CSMD1: variants seen among roughly 807,000 people sequenced by gnomAD.
CSMD1 encodes CUB and sushi domain-containing protein 1.
In CSMD1, 213 loss-of-function variants were observed where a neutral mutation model predicts 417.5. The observed-to-expected ratio is 0.51, with a 90% CI of 0.46 to 0.57. The LOEUF (loss-of-function observed/expected upper bound fraction) is 0.57, where lower values mean the gene tolerates loss of function less well. Ranked by LOEUF, CSMD1 falls within the 20% of genes least tolerant of loss-of-function variation. The pLI, the probability that CSMD1 is intolerant of heterozygous loss-of-function variation, is 0.00. For missense variants in CSMD1, 6,923 were observed against 4,529.7 expected (o/e 1.53, Z -15.17); for synonymous variants, 2,862 against 1,736.8 (o/e 1.65, Z -16.11).
chr8:4,340,497 C>G (rs914769760), intron 3 of CSMD1, among the ~76,000 whole-genome samples: 1 of 152,044 alleles, frequency 6.6e-6, no homozygotes, highest in African/African-American at 2.4e-5. Flanking sequence ...ATGGTCGAGT[C>G]CCCAATGTCA....
intron 3 of CSMD1, among the ~76,000 whole-genome samples, chr8:4,390,617 C>T (rs1227460047): frequency 6.6e-6 from 1 of 151,940 alleles, no homozygotes; most frequent in Non-Finnish European, 1.5e-5. Context: ...GGACTCACGC[C>T]ATTCTCCTGC....
intron 2 of CSMD1, among the ~76,000 whole-genome samples, chr8:4,573,593 T>A (rs6998087): frequency 0.017 from 2,553 of 152,146 alleles, 70 homozygotes; most frequent in African/African-American, 0.058. Context: ...TCAGGAGGTA[T>A]GGGGGTCAGG....
chr8:4,872,198 G>A (rs1025340456), intron 1 of CSMD1, among the ~76,000 whole-genome samples: 2 of 152,102 alleles, frequency 1.3e-5, no homozygotes, highest in Non-Finnish European at 2.9e-5. Flanking sequence ...TGTGACTCAA[G>A]TAAGGCATAG....
At chr8:3,874,542 C>T (rs765270395) in intron 5 of CSMD1, among the ~76,000 whole-genome samples, 8 of 152,304 alleles carry the variant, frequency 5.3e-5, no homozygotes, top group Non-Finnish European at 8.8e-5. Flanking sequence ...GACATACAAG[C>T]AGCATCTTAG....
At chr8:4,654,316 G>T (rs375499561) in intron 1 of CSMD1, among the ~76,000 whole-genome samples, 1 of 152,186 alleles carries the variant, frequency 6.6e-6, no homozygotes, top group African/African-American at 2.4e-5. Flanking sequence ...ATGGTTCAGG[G>T]ATGTATTGCT....
intron 2 of CSMD1, among the ~76,000 whole-genome samples, chr8:4,580,888 TC>T (rs1254918000): frequency 6.6e-6 from 1 of 152,350 alleles, no homozygotes; most frequent in Admixed American, 6.5e-5. Context: ...ATTGCATTTT[TC>T]CCTGCTATTG....
intron 54 of CSMD1, among the ~76,000 whole-genome samples, chr8:2,993,921 C>T (rs1461207728): frequency 2.0e-5 from 3 of 149,936 alleles, no homozygotes; most frequent in African/African-American, 7.4e-5. Flanking sequence ...AATCCCAGCA[C>T]TTTGGTGAGG....
chr8:3,709,195 C>T (rs1291266577), intron 6 of CSMD1, among the ~76,000 whole-genome samples: 3 of 147,784 alleles, frequency 2.0e-5, no homozygotes, highest in Admixed American at 6.8e-5. Context: ...ATGGGGGATG[C>T]ATCTTGTGAT....
intron 23 of CSMD1, among the ~76,000 whole-genome samples, chr8:3,312,195 T>C (rs1236530671): frequency 1.3e-5 from 2 of 152,216 alleles, no homozygotes; most frequent in African/African-American, 4.8e-5. Context: ...TTATTGCTTT[T>C]TCTATCAATC....
chr8:4,166,082 T>G (rs1459146982), intron 3 of CSMD1, among the ~76,000 whole-genome samples: 6 of 152,194 alleles, frequency 3.9e-5, no homozygotes, highest in Admixed American at 6.5e-5. Flanking sequence ...CTTGCATTAA[T>G]TACATTCTTA....
chr8:4,770,551 C>T (rs1796547149), intron 1 of CSMD1, among the ~76,000 whole-genome samples: 2 of 151,744 alleles, frequency 1.3e-5, no homozygotes, highest in East Asian at 3.9e-4. Flanking sequence ...ATTACACTTC[C>T]TGATTTAAAA....
chr8:4,778,976 G>C (rs1381610546), intron 1 of CSMD1, among the ~76,000 whole-genome samples: 1 of 152,186 alleles, frequency 6.6e-6, no homozygotes, highest in Non-Finnish European at 1.5e-5. Flanking sequence ...TGTTTAGAAA[G>C]AATTGATAGG....
In CSMD1 at chr8:4,525,691, T is replaced by C. The variant is rs75599342; in HGVS notation, c.303-105626A>G. Reference sequence around the variant, plus strand: ...ACTTTTGCACCAACCTAAAAAATAATAGAAGTCTCCCAAGCTAGGGATGGT... The same window carrying C: ...ACTTTTGCACCAACCTAAAAAATAACAGAAGTCTCCCAAGCTAGGGATGGT... On this transcript the variant is annotated intron_variant, in intron 2 of 69. Transcript: ENST00000635120. 8.5e-5 allele frequency among the ~76,000 whole-genome samples: 13 copies of C among 152,240 alleles called. No homozygotes were observed. The East Asian group carries it at 1.5e-3, about 18-fold the overall frequency.
At chr8:3,126,086 G>A (rs966780716) in intron 41 of CSMD1, among the ~76,000 whole-genome samples, 1 of 152,170 alleles carries the variant, frequency 6.6e-6, no homozygotes, top group African/African-American at 2.4e-5. Context: ...AGGCACCCTG[G>A]TGTGACCTGA....
Position 3,491,994 on chromosome 8 carries a change from T to A in CSMD1, c.1448+1629A>T, listed in dbSNP as rs550894896. ...CCACCCAATTTATTGGTTTACAAGC[T>A]CTTTGTTCTCAGGGCAAATGGGAGG... On this transcript the variant is annotated intron_variant, in intron 11 of 69. Coordinates refer to ENST00000635120, the MANE Select transcript of CSMD1 (RefSeq NM_033225.6). Among the ~76,000 whole-genome samples the A allele has an allele frequency of 1.2e-4, 19 of 152,242 alleles. 1 individual carries two copies. The highest frequency in any genetic ancestry group is 4.6e-4 in the Admixed American group (7 of 15,294).
At chr8:4,174,642 T>G (rs1297333475) in intron 3 of CSMD1, among the ~76,000 whole-genome samples, 1 of 143,222 alleles carries the variant, frequency 7.0e-6, no homozygotes, top group African/African-American at 2.7e-5. Context: ...GACCTGGGAA[T>G]GTAGGAATTA....
chr8:4,510,875 TTCCC>T (rs1454493466), intron 2 of CSMD1, among the ~76,000 whole-genome samples: 26 of 132,268 alleles, frequency 2.0e-4, no homozygotes, highest in African/African-American at 6.9e-4. Flanking sequence ...CCTTCCTTCC[TTCCC>T]TCCCTCCCTT....
At chr8:3,949,937 C>A (rs117484920) in intron 5 of CSMD1, 2 of 455,958 alleles carry the variant, frequency 4.4e-6, no homozygotes, top group East Asian at 7.0e-5. Context: ...CGTGAAAACA[C>A]ACATGGAGAG....
intron 41 of CSMD1, among the ~76,000 whole-genome samples, chr8:3,126,474 G>C (rs893466713): frequency 1.3e-5 from 2 of 152,096 alleles, no homozygotes; most frequent in African/African-American, 4.8e-5. Flanking sequence ...GTACACTGAA[G>C]ACTTTGAAGC....
Sources: allele counts gnomAD v4.1 joint callset (sites outside exome capture counted in the v4.1 genomes callset), GRCh38; gene constraint gnomAD v4.1.1; transcripts MANE v1.5; gene names NCBI Gene and HGNC (gene_info 2026-07-23, HGNC 2026-07-21).